The following CD200 variants were observed in gnomAD, a reference collection of about 807,000 sequenced individuals.
The protein encoded by CD200 is OX-2 membrane glycoprotein.
In CD200, 15 loss-of-function variants were observed where a neutral mutation model predicts 30.9. The ratio of observed to expected loss-of-function variants is 0.49; its 90% confidence interval spans 0.32 to 0.75. CD200 has a LOEUF of 0.75. Among genes scored for constraint, CD200 ranks in the 30% least tolerant of loss-of-function variants. The pLI, the probability that CD200 is intolerant of heterozygous loss-of-function variation, is 0.03. For synonymous variants in CD200, 134 were observed against 126.2 expected (o/e 1.06, Z -0.41); for missense variants, 262 against 324.2 (o/e 0.81, Z 1.47).
chr3:112,345,437 A>G, intron 3 of CD200, 149 bp downstream of exon 3: 2 of 653,764 alleles, frequency 3.1e-6, no homozygotes, highest in Non-Finnish European at 5.3e-6. Context: ...AGCTGTGTTT[A>G]TGATTATTTG....
intron 4 of CD200, among the ~76,000 whole-genome samples, 158 bp downstream of exon 4, chr3:112,347,988 G>C (rs1196532524): frequency 6.6e-6 from 1 of 152,162 alleles, no homozygotes; most frequent in Admixed American, 6.6e-5. Context: ...AAAAATTGAA[G>C]AAACAAATAA....
Position 112,345,314 on chromosome 3 carries a change from T to C in CD200, c.421+26T>C, listed in dbSNP as rs763325053. 23 of 1,570,812 alleles carry C rather than the reference T, an allele frequency of 1.5e-5. 1 individual carries two copies. The South Asian group carries it at 2.5e-4, about 17-fold the overall frequency. ...GTGAGAATCTCTGAGAATCATTGTC[T>C]GTGTCTGGAAATACTATTTGCAAGA... On this transcript the variant is annotated intron_variant, in intron 3 of 5. Coordinates refer to ENST00000315711, the MANE Select transcript of CD200 (RefSeq NM_005944.7).
intron 2 of CD200, among the ~76,000 whole-genome samples, chr3:112,344,268 A>T (rs541659574): frequency 6.6e-6 from 1 of 152,122 alleles, no homozygotes. Context: ...ATTTGTTTTT[A>T]TGTTGAGATT....
At chr3:112,343,417 T>C (rs1041088427) in intron 2 of CD200, among the ~76,000 whole-genome samples, 1 of 152,028 alleles carries the variant, frequency 6.6e-6, no homozygotes, top group Non-Finnish European at 1.5e-5. Flanking sequence ...AATCTTCCTG[T>C]CCTATGCTCC....
intron 4 of CD200, 104 bp from the exon 5 acceptor site, chr3:112,349,608 A>G: frequency 4.0e-6 from 3 of 751,980 alleles, no homozygotes; most frequent in South Asian, 4.9e-5. Context: ...AAACCTACAT[A>G]TGTATGTATT....
intron 5 of CD200, among the ~76,000 whole-genome samples, chr3:112,358,321 G>A (rs1450888682): frequency 2.0e-5 from 3 of 152,132 alleles, no homozygotes; most frequent in Admixed American, 6.5e-5. Flanking sequence ...GTTGTTGGAG[G>A]ACCTGCTATA....
At chr3:112,334,012 T>G in intron 1 of CD200, 1 of 985,448 alleles carries the variant, frequency 1.0e-6, no homozygotes, top group East Asian at 1.1e-4. Context: ...AATTTTTTCA[T>G]GTATGGTTTG....
chr3:112,352,572 T>C (rs921098971), intron 5 of CD200, among the ~76,000 whole-genome samples: 23 of 150,346 alleles, frequency 1.5e-4, no homozygotes, highest in African/African-American at 5.6e-4. Context: ...AGAGAGTGTT[T>C]AGAGTTTGTA....
rs1463121225 is a variant in CD200 at position 112,362,756 on chromosome 3, G to A, written c.*1206G>A. 1 of 152,262 alleles carries A rather than the reference G, an allele frequency of 6.6e-6. No homozygotes were observed. Among genetic ancestry groups the A allele is most frequent in the Non-Finnish European group, 1.5e-5 (1 of 67,996 alleles). The allele number at this position is 152,262 out of a possible 1,614,324, so 9.4% of individuals were successfully genotyped here. On this transcript the variant is annotated 3_prime_UTR_variant, in exon 6 of 6. Transcript: ENST00000315711. ...AGATTTTCATGTGTTATTTAATTCT[G>A]TATTGTTTCTTATATTTGTAGTAAA...
chr3:112,353,309 G>GTTTGC (rs151262897), intron 5 of CD200, among the ~76,000 whole-genome samples: 1 of 88,214 alleles, frequency 1.1e-5, no homozygotes, highest in African/African-American at 3.8e-5. Context: ...GTTTGGTTTG[G>GTTTGC]TTTGCTTTGC....
chr3:112,357,826 C>T (rs891591510), intron 5 of CD200, among the ~76,000 whole-genome samples: 1 of 152,160 alleles, frequency 6.6e-6, no homozygotes, highest in Non-Finnish European at 1.5e-5. Flanking sequence ...GACTTAAGTT[C>T]CTATGGCATA....
chr3:112,350,144 TC>T (rs1190356916), intron 5 of CD200, among the ~76,000 whole-genome samples: 1 of 152,202 alleles, frequency 6.6e-6, no homozygotes, highest in African/African-American at 2.4e-5. Context: ...CAATCTCTTC[TC>T]TTTTTATAGC....
At chr3:112,335,990 A>G in intron 1 of CD200, 2 of 1,612,316 alleles carry the variant, frequency 1.2e-6, no homozygotes, top group Non-Finnish European at 8.5e-7. Context: ...CTACACTCCT[A>G]GGAAAGACCA....
At position 112,336,649 on chromosome 3, in the gene CD200, AG is replaced by A. The variant is rs551735222; in HGVS notation, c.12+3426del. Among the ~76,000 whole-genome samples, 189 of 148,918 alleles carry A rather than the reference AG, an allele frequency of 1.3e-3. 2 individuals are homozygous for A. The highest frequency in any genetic ancestry group is 4.5e-3 in the African/African-American group (180 of 40,144). On this transcript the variant is annotated intron_variant, in intron 1 of 5. Transcript: ENST00000315711. Reference sequence around the variant, plus strand: ...CTAGAAATAAGCTTCAAATTATAGTAGCAACAGATGGGGCTAAACAGGAGCC... The same window carrying A: ...CTAGAAATAAGCTTCAAATTATAGTACAACAGATGGGGCTAAACAGGAGCC...
chr3:112,338,950 TACTTA>T (rs1293290208), intron 1 of CD200, among the ~76,000 whole-genome samples: 1 of 152,218 alleles, frequency 6.6e-6, no homozygotes, highest in African/African-American at 2.4e-5. Flanking sequence ...TTGGGCAATT[TACTTA>T]ACTTCTCTGT....
upstream of CD200, chr3:112,332,618 A>G: frequency 5.0e-6 from 1 of 199,952 alleles, no homozygotes; most frequent in Non-Finnish European, 1.0e-5. Context: ...GAGAAGAAGG[A>G]GAAGGAGAAG....
At chr3:112,341,120 A>C in intron 2 of CD200, 137 bp downstream of exon 2, 1 of 511,582 alleles carries the variant, frequency 2.0e-6, no homozygotes, top group Non-Finnish European at 3.4e-6. Context: ...TGCCTGGAGG[A>C]GTGGACGTGG....
rs2081432734 is a variant in CD200, at chr3:112,347,739, C to G, written c.603C>G (p.Ile201Met). The change falls in exon 4 of 6, where the codon ATC (isoleucine) becomes ATG (methionine). Residue 201 changes from isoleucine to methionine, a missense_variant. By Grantham distance (10) the Ile-to-Met change is conservative (BLOSUM62 1). Transcript: ENST00000315711. ...GTTSVTSILHIKDPKNQVGKE... is the reference protein window; with the variant it reads ...GTTSVTSILHMKDPKNQVGKE... The stretch of plus-strand genomic sequence containing the variant: ...CGTCTGTTACCAGCATCCTCCATAT[C>G]AAAGACCCTAAGAATCAGGTGGGGA... 3 of 1,613,944 alleles carry G rather than the reference C, an allele frequency of 1.9e-6. No individual in the cohort carries two copies. Among genetic ancestry groups the G allele is most frequent in the Non-Finnish European group, 1.7e-6 (2 of 1,179,926 alleles).
chr3:112,353,812 C>T (rs1279362317), intron 5 of CD200, among the ~76,000 whole-genome samples: 3 of 152,126 alleles, frequency 2.0e-5, no homozygotes, highest in Non-Finnish European at 4.4e-5. Context: ...TTGCTTTGCT[C>T]AAAAAGTACT....
Sources: allele counts gnomAD v4.1 joint callset (sites outside exome capture counted in the v4.1 genomes callset), GRCh38; gene constraint gnomAD v4.1.1; transcripts MANE v1.5; gene names NCBI Gene and HGNC (gene_info 2026-07-23, HGNC 2026-07-21).